CHIC2: variants seen among roughly 807,000 people sequenced by gnomAD.
CHIC2 encodes cysteine-rich hydrophobic domain-containing protein 2.
A neutral mutation model predicts 25.9 loss-of-function variants in CHIC2; 14 were observed. The observed-to-expected ratio is 0.54, with a 90% CI of 0.36 to 0.85. CHIC2 has a LOEUF of 0.85. Ranked by LOEUF, CHIC2 falls within the 40% of genes least tolerant of loss-of-function variation. The pLI, the probability that CHIC2 is intolerant of heterozygous loss-of-function variation, is 0.01. For missense variants in CHIC2, 146 were observed against 202.0 expected, an observed-to-expected ratio of 0.72 and a Z score of 1.68; for synonymous variants, 70 against 72.0, an observed-to-expected ratio of 0.97 and a Z score of 0.14.
chr4:54,053,511 C>A (rs564371985), intron 1 of CHIC2, among the ~76,000 whole-genome samples: 1 of 143,942 alleles, frequency 6.9e-6, no homozygotes, highest in East Asian at 2.1e-4. Flanking sequence ...GCCAAGATTG[C>A]GTCACTGCAC....
upstream of CHIC2, among the ~76,000 whole-genome samples, chr4:54,065,543 G>T (rs921614125): frequency 1.3e-5 from 2 of 152,196 alleles, no homozygotes; most frequent in Non-Finnish European, 2.9e-5. Flanking sequence ...AGAAAGAAGG[G>T]GAGGAAGGAA....
At chr4:54,020,140 A>G (rs1715855253) in intron 3 of CHIC2, among the ~76,000 whole-genome samples, 1 of 152,216 alleles carries the variant, frequency 6.6e-6, no homozygotes, top group South Asian at 2.1e-4. Flanking sequence ...GTATACATCC[A>G]GATGGCCTGA....
chr4:54,053,764 T>G (rs912741388), intron 1 of CHIC2, among the ~76,000 whole-genome samples: 4 of 152,090 alleles, frequency 2.6e-5, no homozygotes, highest in African/African-American at 9.7e-5. Flanking sequence ...AAATGTATAG[T>G]TCCTGCTAAC....
chr4:54,055,085 T>C (rs1423164523), intron 1 of CHIC2, among the ~76,000 whole-genome samples: 2 of 152,088 alleles, frequency 1.3e-5, no homozygotes, highest in Admixed American at 6.6e-5. Context: ...AAAATGGTTG[T>C]ATAAGAGGAG....
chr4:54,052,035 C>T (rs879784335), intron 1 of CHIC2, among the ~76,000 whole-genome samples: 1 of 152,134 alleles, frequency 6.6e-6, no homozygotes, highest in African/African-American at 2.4e-5. Flanking sequence ...ATGCTTTCTC[C>T]TGGCAAAGAG....
chr4:54,018,373 AATT>A (rs1464672441), intron 3 of CHIC2, among the ~76,000 whole-genome samples: 1 of 152,108 alleles, frequency 6.6e-6, no homozygotes, highest in Non-Finnish European at 1.5e-5. Flanking sequence ...CTTAGGAATA[AATT>A]ATTAATATTA....
chr4:54,028,424 T>C (rs1716125037), intron 3 of CHIC2, among the ~76,000 whole-genome samples: 1 of 152,304 alleles, frequency 6.6e-6, no homozygotes, highest in East Asian at 1.9e-4. Context: ...AGATCTCAAA[T>C]AGGTTACTTG....
intron 1 of CHIC2, among the ~76,000 whole-genome samples, chr4:54,054,346 G>C (rs1293112055): frequency 6.6e-6 from 1 of 152,080 alleles, no homozygotes; most frequent in African/African-American, 2.4e-5. Context: ...TCACTACTGA[G>C]CTATCATTTT....
At position 54,010,007 on chromosome 4, in the gene CHIC2, C is replaced by A; in HGVS notation, c.*88G>T. The A allele has an allele frequency of 6.2e-6, 5 of 810,308 alleles. No individual in the cohort carries two copies. The highest frequency in any genetic ancestry group is 1.8e-5 in the South Asian group (1 of 56,604). The allele number at this position is 810,308 out of a possible 1,614,324, so 50.2% of individuals were successfully genotyped here. On this transcript the variant is annotated 3_prime_UTR_variant, in exon 6 of 6. Coordinates refer to ENST00000263921, the MANE Select transcript of CHIC2 (RefSeq NM_012110.4). ...AAAACACCACACGATTCTGTAGAAC[C>A]AATGTTATGTCACCACCAGGAGAGC...
chr4:54,010,810 T>A (rs1350000006), intron 5 of CHIC2, among the ~76,000 whole-genome samples: 3 of 152,138 alleles, frequency 2.0e-5, no homozygotes, highest in Admixed American at 6.6e-5. Context: ...TGCTCTCATT[T>A]TACTCTACCA....
the CHIC2 span, among the ~76,000 whole-genome samples, chr4:54,084,192 C>CCT: frequency 6.6e-6 from 1 of 152,142 alleles, no homozygotes; most frequent in Non-Finnish European, 1.5e-5. Context: ...GGGGTCTAGT[C>CCT]ATCTTTGTAG....
intron 3 of CHIC2, among the ~76,000 whole-genome samples, chr4:54,036,146 T>C (rs1435289921): frequency 1.3e-5 from 2 of 152,224 alleles, no homozygotes; most frequent in Non-Finnish European, 2.9e-5. Flanking sequence ...CTGTATGTAC[T>C]TGAAAAGAAT....
At chr4:54,080,707 GATCGCACCA>G in the CHIC2 span, among the ~76,000 whole-genome samples, 1 of 148,516 alleles carries the variant, frequency 6.7e-6, no homozygotes, top group African/African-American at 2.5e-5. Flanking sequence ...TGGAGGCCGA[GATCGCACCA>G]CTGGACTCCA....
At chr4:54,077,348 A>G in the CHIC2 span, among the ~76,000 whole-genome samples, 3 of 152,194 alleles carry the variant, frequency 2.0e-5, no homozygotes, top group Non-Finnish European at 4.4e-5. Context: ...CCTTGTAGAA[A>G]CACAAGAAGA....
chr4:54,033,551 T>C (rs539092003), intron 3 of CHIC2, among the ~76,000 whole-genome samples: 2 of 152,294 alleles, frequency 1.3e-5, no homozygotes, highest in East Asian at 3.9e-4. Flanking sequence ...TTGTCTGGTG[T>C]TCTTTTAGGG....
intron 3 of CHIC2, among the ~76,000 whole-genome samples, chr4:54,045,475 G>A (rs1358553338): frequency 2.6e-5 from 4 of 152,070 alleles, no homozygotes; most frequent in Non-Finnish European, 5.9e-5. Context: ...TTCATCCCTG[G>A]GATGCAAGGC....
chr4:54,035,921 T>C (rs1228672857), intron 3 of CHIC2, among the ~76,000 whole-genome samples: 1 of 152,256 alleles, frequency 6.6e-6, no homozygotes, highest in Non-Finnish European at 1.5e-5. Flanking sequence ...TAATTCATTC[T>C]GCTTTTAAAT....
chr4:54,089,281 A>G, the CHIC2 span, among the ~76,000 whole-genome samples: 5 of 152,222 alleles, frequency 3.3e-5, no homozygotes, highest in African/African-American at 1.2e-4. Flanking sequence ...AAAACATCTC[A>G]ATAATGAAAT....
intron 1 of CHIC2, among the ~76,000 whole-genome samples, chr4:54,058,708 C>A (rs1717249413): frequency 6.6e-6 from 1 of 151,954 alleles, no homozygotes; most frequent in African/African-American, 2.4e-5. Flanking sequence ...AGATTAGAAA[C>A]CTAAGCCAGA....
Sources: gnomAD v4.1 joint callset for allele counts (sites outside exome capture counted in the v4.1 genomes callset) on GRCh38, gnomAD v4.1.1 for gene constraint, MANE v1.5 for transcripts, NCBI Gene and HGNC (gene_info 2026-07-23, HGNC 2026-07-21) for gene names.